ZMYM2: variants seen among roughly 807,000 people sequenced by gnomAD.
ZMYM2 encodes zinc finger MYM-type protein 2.
ZMYM2 carries 56 observed loss-of-function variants against 162.8 expected under a neutral mutation model. The observed-to-expected ratio is 0.34, with a 90% CI of 0.28 to 0.43. ZMYM2 has a LOEUF of 0.43. ZMYM2 is among the 20% of genes least tolerant of loss of function. The pLI is 1.00. For missense variants in ZMYM2, 1,275 were observed against 1,621.8 expected, an observed-to-expected ratio of 0.79 and a Z score of 3.67; for synonymous variants, 510 against 541.6, an observed-to-expected ratio of 0.94 and a Z score of 0.81.
the ZMYM2 span, among the ~76,000 whole-genome samples, chr13:19,917,116 C>A: frequency 6.6e-6 from 1 of 152,182 alleles, no homozygotes; most frequent in South Asian, 2.1e-4. Flanking sequence ...GCGCCCGCCA[C>A]GACGCCCGGC....
chr13:19,993,188 C>A lies in ZMYM2; in HGVS notation c.116C>A (p.Ala39Asp). 6.2e-7 allele frequency: 1 copy of A among 1,614,098 alleles called. No individual in the cohort carries two copies. Among genetic ancestry groups the A allele is most frequent in the South Asian group, 1.1e-5 (1 of 91,080 alleles). Residue 39 changes from alanine to aspartate, a missense_variant, in exon 3 of 25, where the codon GCT (alanine) becomes GAT (aspartate). Physicochemically the swap from Ala to Asp is moderately radical, Grantham distance 126. Coordinates refer to ENST00000610343, the MANE Select transcript of ZMYM2 (RefSeq NM_197968.4). ...GTAGGAAACTCATTTAGTGGTCCAG[C>A]TAATCCTTTAGTGTCTAGATCTAAT... The part of the protein sequence containing the change: ...TNVGNSFSGP[A>D]NPLVSRSNKF...
chr13:20,083,398 T>G (rs910180713), intron 23 of ZMYM2, among the ~76,000 whole-genome samples: 4 of 152,198 alleles, frequency 2.6e-5, no homozygotes, highest in South Asian at 2.1e-4. Context: ...GGTAGGGATA[T>G]CCAAACCTTG....
intron 6 of ZMYM2, among the ~76,000 whole-genome samples, chr13:20,009,074 A>G (rs1950970325): frequency 6.6e-6 from 1 of 152,188 alleles, no homozygotes; most frequent in Non-Finnish European, 1.5e-5. Flanking sequence ...AAGAAATGAC[A>G]AGGTAGATAT....
chr13:19,901,689 C>T, the ZMYM2 span, among the ~76,000 whole-genome samples: 1 of 152,092 alleles, frequency 6.6e-6, no homozygotes, highest in African/African-American at 2.4e-5. Context: ...CTTGGCCAGG[C>T]TGGTCTTGAA....
chr13:20,047,797 A>T (rs752402396), intron 12 of ZMYM2, among the ~76,000 whole-genome samples: 64 of 152,132 alleles, frequency 4.2e-4, no homozygotes, highest in Non-Finnish European at 2.5e-4. Flanking sequence ...CTAAATTGGA[A>T]TAAGAAATCT....
chr13:19,906,205 G>A, the ZMYM2 span, among the ~76,000 whole-genome samples: 7 of 149,174 alleles, frequency 4.7e-5, no homozygotes, highest in African/African-American at 1.2e-4. Flanking sequence ...AACCTGGGAG[G>A]TGGAGGTTAC....
Position 20,086,330 on chromosome 13 carries a change from A to G in ZMYM2, c.*316A>G, listed in dbSNP as rs1324180624. 3.9e-6 allele frequency: 1 copy of G among 253,176 alleles called. No homozygotes were observed. Among genetic ancestry groups the G allele is most frequent in the Non-Finnish European group, 7.7e-6 (1 of 130,234 alleles). 15.7% of individuals were successfully genotyped at this position (253,176 alleles called of 1,614,324 possible). A position where few individuals can be genotyped will look rare whatever the true frequency, so the allele number is the denominator to read the frequency against. On this transcript the variant is annotated 3_prime_UTR_variant, in exon 25 of 25. Coordinates refer to ENST00000610343, the MANE Select transcript of ZMYM2 (RefSeq NM_197968.4). ...GTATAATTTTTTTCTTGTAGTAAGA[A>G]ACATCCATATTGCACAACTCTACTG... is the stretch of plus-strand genomic sequence containing the variant.
At chr13:20,063,091 A>AT (rs1057265783) in intron 18 of ZMYM2, 120 bp downstream of exon 18, 2 of 1,235,132 alleles carry the variant, frequency 1.6e-6, no homozygotes, top group Non-Finnish European at 2.1e-6. Context: ...TATTCTTGTT[A>AT]TTTTTTAAAC....
intron 6 of ZMYM2, among the ~76,000 whole-genome samples, chr13:20,011,630 A>T: frequency 6.9e-6 from 1 of 145,374 alleles, no homozygotes. Flanking sequence ...CCCAGGCTGG[A>T]GTGCAATGGC....
the ZMYM2 span, among the ~76,000 whole-genome samples, chr13:19,931,007 C>T: frequency 7.1e-4 from 107 of 151,380 alleles, no homozygotes; most frequent in African/African-American, 9.2e-4. Flanking sequence ...GGCGCGGTGG[C>T]GGGCGCCTGT....
At position 20,034,311 on chromosome 13, in the gene ZMYM2, T is replaced by C. The variant is rs1211385751; in HGVS notation, c.2026T>C (p.Cys676Arg). The change falls in exon 11 of 25, where the codon TGC becomes CGC. Residue 676 changes from cysteine (C) to arginine (R), a missense_variant. Cys to Arg is a radical substitution (Grantham distance 180). Coordinates refer to ENST00000610343, the MANE Select transcript of ZMYM2 (RefSeq NM_197968.4). ...TTCAGATGACTATAAGAAGTTGCAT[T>C]GCATAGTTACATATTGCGAATACTG... ...TCSDDYKKLH[C>R]IVTYCEYCQE... is the part of the protein sequence containing the mutation. 5 of 1,611,266 alleles carry C rather than the reference T, an allele frequency of 3.1e-6. No individual in the cohort carries two copies. The highest frequency in any genetic ancestry group is 4.2e-6 in the Non-Finnish European group (5 of 1,179,030).
intron 2 of ZMYM2, among the ~76,000 whole-genome samples, chr13:19,975,163 T>G (rs1454589424): frequency 9.3e-6 from 1 of 108,026 alleles, no homozygotes; most frequent in East Asian, 2.5e-4. Context: ...CCCCATATGG[T>G]GTCTTCTTTT....
the ZMYM2 span, among the ~76,000 whole-genome samples, chr13:19,888,994 C>T: frequency 6.6e-6 from 1 of 151,970 alleles, no homozygotes; most frequent in Non-Finnish European, 1.5e-5. Context: ...TATAGTGCCA[C>T]CTTCTGTTGT....
chr13:20,027,198 C>T lies in ZMYM2; in HGVS notation c.1736-5C>T. 2 of 1,553,894 alleles carry T rather than the reference C, an allele frequency of 1.3e-6. No individual in the cohort carries two copies. The highest frequency in any genetic ancestry group is 1.7e-6 in the Non-Finnish European group (2 of 1,147,816). ...CAAATCAGATATGTACCTTTTCTTT[C>T]CTAGGTTTGGGAATTATTTGCCATT... On this transcript the variant is annotated splice_polypyrimidine_tract_variant and splice_region_variant and intron_variant, in intron 8 of 24. Coordinates refer to ENST00000610343, the MANE Select transcript of ZMYM2 (RefSeq NM_197968.4).
chr13:19,917,325 A>G, the ZMYM2 span, among the ~76,000 whole-genome samples: 1 of 152,032 alleles, frequency 6.6e-6, no homozygotes, highest in African/African-American at 2.4e-5. Context: ...GCAGTGGCTC[A>G]CGCCTGTAAT....
At chr13:20,008,286 A>G (rs987742183) in intron 6 of ZMYM2, among the ~76,000 whole-genome samples, 2 of 152,142 alleles carry the variant, frequency 1.3e-5, no homozygotes, top group African/African-American at 2.4e-5. Context: ...ACATGCCACC[A>G]TGCCCGACTA....
the ZMYM2 span, among the ~76,000 whole-genome samples, chr13:19,866,388 C>T: frequency 7.2e-5 from 11 of 152,088 alleles, no homozygotes; most frequent in East Asian, 3.9e-4. Flanking sequence ...AATTCTGGCC[C>T]GGTGCGGTGG....
the ZMYM2 span, among the ~76,000 whole-genome samples, chr13:19,898,926 C>G: frequency 6.6e-6 from 1 of 151,506 alleles, no homozygotes; most frequent in African/African-American, 2.4e-5. Flanking sequence ...GAGCAAGACC[C>G]CACTTCTTTT....
Position 20,086,064 on chromosome 13 carries a change from G to A in ZMYM2, c.*50G>A. 6.4e-7 allele frequency: 1 copy of A among 1,563,248 alleles called. No homozygotes were observed. Among genetic ancestry groups the A allele is most frequent in the Non-Finnish European group, 8.7e-7 (1 of 1,146,530 alleles). ...GGATAAAACAGCATTAGATAGTCAT[G>A]CTGCTAGATCTTTATTATGGAAAAC... On this transcript the variant is annotated 3_prime_UTR_variant, in exon 25 of 25. Coordinates refer to ENST00000610343, the MANE Select transcript of ZMYM2 (RefSeq NM_197968.4).
Sources: gnomAD v4.1 joint callset for allele counts (sites outside exome capture counted in the v4.1 genomes callset) on GRCh38, gnomAD v4.1.1 for gene constraint, MANE v1.5 for transcripts, NCBI Gene and HGNC (gene_info 2026-07-23, HGNC 2026-07-21) for gene names.